The following SERPINA9 variants were observed in gnomAD, a reference collection of about 807,000 sequenced individuals.
SERPINA9 encodes serpin family A member 9, also known as serpin A9.
Under a neutral mutation model 24.5 loss-of-function variants are expected in SERPINA9, and 32 were observed. That is an observed-to-expected ratio of 1.30 (90% CI 0.98 to 1.75). SERPINA9 has a LOEUF of 1.75. Ranked by LOEUF, SERPINA9 falls within the 40% of genes most tolerant of loss-of-function variation. The pLI is 0.00. For missense variants in SERPINA9, 594 were observed against 497.1 expected (o/e 1.19, Z -1.85); for synonymous variants, 233 against 197.7 (o/e 1.18, Z -1.50).
Position 94,466,299 on chromosome 14 carries a change from C to T in SERPINA9, c.902+810G>A, listed in dbSNP as rs74936791. On this transcript the variant is annotated intron_variant, in intron 3 of 4. Coordinates refer to ENST00000674397, the MANE Select transcript of SERPINA9 (RefSeq NM_175739.4). ...ACCCACATGTGCAGCTAAACCCCACCGCCTCCTTGAAGCTGTCCCTCAGTC... is the reference window on the plus strand; with the variant it reads ...ACCCACATGTGCAGCTAAACCCCACTGCCTCCTTGAAGCTGTCCCTCAGTC... 4.8e-3 allele frequency among the ~76,000 whole-genome samples: 724 copies of T among 152,308 alleles called. 6 individuals are homozygous for T. Among genetic ancestry groups the T allele is most frequent in the African/African-American group, 0.016 (671 of 41,576 alleles).
chr14:94,467,667 T>C (rs2139805673), intron 2 of SERPINA9, among the ~76,000 whole-genome samples: 1 of 152,354 alleles, frequency 6.6e-6, no homozygotes, highest in Admixed American at 6.5e-5. Context: ...GCTCAAACCA[T>C]ACCAGTTTTC....
intron 1 of SERPINA9, among the ~76,000 whole-genome samples, chr14:94,473,256 T>G (rs1184477128): frequency 6.6e-6 from 1 of 152,152 alleles, no homozygotes. Flanking sequence ...CTGGGCGCGG[T>G]GGCTCACGCC....
In SERPINA9 at chr14:94,469,204, A is replaced by T; in HGVS notation, c.628+9T>A. ...TAAATAAATAAAAATCAACTTCTCA[A>T]ATCCTTACCTTTAAAGAAAATGTGG... On this transcript the variant is annotated intron_variant, in intron 2 of 4. Transcript: ENST00000674397. The T allele has an allele frequency of 1.3e-6, 2 of 1,597,504 alleles. No homozygotes were observed. Among genetic ancestry groups the T allele is most frequent in the South Asian group, 2.3e-5 (2 of 88,596 alleles).
At chr14:94,476,098 C>G (rs762676101) in intron 1 of SERPINA9, 38 bp downstream of exon 1, 1 of 1,613,846 alleles carries the variant, frequency 6.2e-7, no homozygotes, top group Non-Finnish European at 8.5e-7. Flanking sequence ...CTCAGTGACA[C>G]CACATTCCCG....
At chr14:94,465,145 G>A (rs1445548526) in intron 3 of SERPINA9, among the ~76,000 whole-genome samples, 3 of 152,172 alleles carry the variant, frequency 2.0e-5, no homozygotes, top group East Asian at 3.9e-4. Flanking sequence ...AACAGGAGAC[G>A]TCCAGTAGCA....
At chr14:94,467,422 C>T in intron 2 of SERPINA9, 40 bp from the exon 3 acceptor site, 2 of 1,544,848 alleles carry the variant, frequency 1.3e-6, no homozygotes, top group South Asian at 1.2e-5. Context: ...TGTCAAAGTA[C>T]AATTAGTGAG....
chr14:94,474,394 C>T (rs985324648), intron 1 of SERPINA9, among the ~76,000 whole-genome samples: 1 of 152,150 alleles, frequency 6.6e-6, no homozygotes, highest in East Asian at 1.9e-4. Flanking sequence ...CCTGAGTCAT[C>T]GATGGTACTG....
Position 94,469,622 on chromosome 14 carries a change from C to T in SERPINA9, c.219G>A (p.Val73=), listed in dbSNP as rs1899202865. The part of the protein sequence containing the change: ...TPSQNIFFSP[V]SVSTSLAMLS... ...GCATGGCCAGGGAAGTGGAGACACT[C>T]ACAGGGGAGAAGAAGATGTTCTGAC... Residue 73 remains valine, a synonymous_variant, in exon 2 of 5, where the codon GTG becomes GTA. Transcript: ENST00000674397. 2 of 1,614,068 alleles carry T rather than the reference C, an allele frequency of 1.2e-6. No individual in the cohort carries two copies. Among genetic ancestry groups the T allele is most frequent in the South Asian group, 1.1e-5 (1 of 91,074 alleles).
intron 2 of SERPINA9, among the ~76,000 whole-genome samples, chr14:94,468,045 T>A (rs540753577): frequency 1.3e-5 from 2 of 151,332 alleles, no homozygotes; most frequent in South Asian, 4.2e-4. Flanking sequence ...AATGGTTGGC[T>A]GTCTGGGTGG....
chr14:94,475,626 C>T (rs908122878), intron 1 of SERPINA9, among the ~76,000 whole-genome samples: 1 of 152,146 alleles, frequency 6.6e-6, no homozygotes, highest in Non-Finnish European at 1.5e-5. Flanking sequence ...AGAGGATCGG[C>T]CCTCCTTTGA....
rs1425250069 is a variant in SERPINA9 at position 94,467,283 on chromosome 14, T to C, written c.728A>G (p.Lys243Arg). Residue 243 changes from lysine to arginine, a missense_variant, in exon 3 of 5, where the codon AAA becomes AGA. Lys to Arg is a conservative substitution (Grantham distance 26, BLOSUM62 2). Coordinates refer to ENST00000674397, the MANE Select transcript of SERPINA9 (RefSeq NM_175739.4). Reference sequence around the variant, plus strand: ...ATCCACCCCAAAAGCGAACTGCTCTTTCTGGTGCATCATGGGGACATGCAC... The same window carrying C: ...ATCCACCCCAAAAGCGAACTGCTCTCTCTGGTGCATCATGGGGACATGCAC... Reference protein sequence around the residue: ...VTVHVPMMHQKEQFAFGVDTE... With the variant: ...VTVHVPMMHQREQFAFGVDTE... 2 of 1,614,144 alleles carry C rather than the reference T, an allele frequency of 1.2e-6. No homozygotes were observed. Among genetic ancestry groups the C allele is most frequent in the Admixed American group, 3.3e-5 (2 of 60,018 alleles).
chr14:94,469,733 T>C lies in SERPINA9; in HGVS notation c.108A>G (p.Thr36=), dbSNP rs1185832751. Reference sequence around the variant, plus strand: ...ACACCTGTGAGGCAGGGGTGCTCTTTGTGGAGGAAGGGCGGGGGTATGCAC... The same window carrying C: ...ACACCTGTGAGGCAGGGGTGCTCTTCGTGGAGGAAGGGCGGGGGTATGCAC... The part of the protein sequence containing the change: ...APSAYPRPSS[T]KSTPASQVYS... Residue 36 remains threonine (T), a synonymous_variant, in exon 2 of 5, where the codon ACA becomes ACG. Coordinates refer to ENST00000674397, the MANE Select transcript of SERPINA9 (RefSeq NM_175739.4). 3 of 1,587,440 alleles carry C rather than the reference T, an allele frequency of 1.9e-6. No individual in the cohort carries two copies. Among genetic ancestry groups the C allele is most frequent in the Admixed American group, 1.7e-5 (1 of 58,426 alleles).
intron 3 of SERPINA9, among the ~76,000 whole-genome samples, chr14:94,465,811 G>A (rs1365957717): frequency 6.6e-6 from 1 of 152,186 alleles, no homozygotes; most frequent in Non-Finnish European, 1.5e-5. Flanking sequence ...TTACAGGCGT[G>A]AGTCCAGCCT....
chr14:94,469,640 G>A lies in SERPINA9; in HGVS notation c.201C>T (p.Asn67=). Residue 67 remains asparagine, a synonymous_variant, in exon 2 of 5, where the codon AAC becomes AAT. Coordinates refer to ENST00000674397, the MANE Select transcript of SERPINA9 (RefSeq NM_175739.4). ...RRLVLETPSQ[N]IFFSPVSVST... ...AGACACTCACAGGGGAGAAGAAGAT[G>A]TTCTGACTCGGGGTCTCCAAAACCA... 1.2e-6 allele frequency: 2 copies of A among 1,614,124 alleles called. No individual in the cohort carries two copies. The highest frequency in any genetic ancestry group is 1.7e-6 in the Non-Finnish European group (2 of 1,180,030).
At chr14:94,465,771 C>G (rs940338916) in intron 3 of SERPINA9, among the ~76,000 whole-genome samples, 6 of 152,154 alleles carry the variant, frequency 3.9e-5, no homozygotes, top group Non-Finnish European at 5.9e-5. Context: ...TCAGGCAATC[C>G]ACCCGCCTCG....
Position 94,469,459 on chromosome 14 carries a change from G to T in SERPINA9, c.382C>A (p.Leu128Met), listed in dbSNP as rs745520103. 6 of 1,614,086 alleles carry T rather than the reference G, an allele frequency of 3.7e-6. No individual in the cohort carries two copies. The East Asian group carries it at 1.3e-4, about 36-fold the overall frequency. The part of the protein sequence containing the change: ...VHSLTVPSKD[L>M]TLKMGSALFV... The stretch of plus-strand genomic sequence containing the variant: ...AGGGCACTTCCCATCTTCAAGGTCA[G>T]GTCTTTGCTGGGAACAGTCAGTGAG... Residue 128 changes from leucine (L) to methionine (M), a missense_variant, in exon 2 of 5, where the codon CTG (leucine) becomes ATG (methionine). Coordinates refer to ENST00000674397, the MANE Select transcript of SERPINA9 (RefSeq NM_175739.4).
At chr14:94,475,721 A>T (rs751355012) in intron 1 of SERPINA9, among the ~76,000 whole-genome samples, 7 of 150,924 alleles carry the variant, frequency 4.6e-5, no homozygotes, top group Non-Finnish European at 7.4e-5. Context: ...GCACTTAAAC[A>T]CTCCCTCTCA....
In SERPINA9 at chr14:94,469,712, C is replaced by A. The variant is rs1376792694; in HGVS notation, c.129G>T (p.Gln43His). 6.2e-7 allele frequency: 1 copy of A among 1,604,220 alleles called. No individual in the cohort carries two copies. Among genetic ancestry groups the A allele is most frequent in the Admixed American group, 1.7e-5 (1 of 59,622 alleles). Residue 43 changes from glutamine (Q) to histidine (H), a missense_variant, in exon 2 of 5, where the codon CAG (glutamine) becomes CAT (histidine). Physicochemically the swap from Gln to His is conservative, Grantham distance 24. Coordinates refer to ENST00000674397, the MANE Select transcript of SERPINA9 (RefSeq NM_175739.4). Reference protein sequence around the residue: ...PSSTKSTPASQVYSLNTDFAF... With the variant: ...PSSTKSTPASHVYSLNTDFAF... ...CAAAGTCGGTGTTGAGGGAATACAC[C>A]TGTGAGGCAGGGGTGCTCTTTGTGG... is the stretch of plus-strand genomic sequence containing the variant.
chr14:94,473,248 G>A (rs1899413098), intron 1 of SERPINA9, among the ~76,000 whole-genome samples: 1 of 152,220 alleles, frequency 6.6e-6, no homozygotes, highest in Non-Finnish European at 1.5e-5. Context: ...GGTGGTGGCT[G>A]GGCGCGGTGG....
Sources: gnomAD v4.1 joint callset for allele counts (sites outside exome capture counted in the v4.1 genomes callset) on GRCh38, gnomAD v4.1.1 for gene constraint, MANE v1.5 for transcripts, NCBI Gene and HGNC (gene_info 2026-07-23, HGNC 2026-07-21) for gene names.